The following CNGA3 variants were observed in gnomAD, a reference collection of about 807,000 sequenced individuals.
CNGA3 encodes the protein cyclic nucleotide gated channel subunit alpha 3.
In CNGA3, 42 loss-of-function variants were observed where a neutral mutation model predicts 46.6. The ratio of observed to expected loss-of-function variants is 0.90; its 90% CI spans 0.70 to 1.17. The LOEUF is 1.17. CNGA3 is among the 50% of genes most tolerant of loss of function. The pLI, the probability that CNGA3 is intolerant of heterozygous loss-of-function variation, is 0.00. For missense variants in CNGA3, 893 were observed against 890.7 expected (o/e 1.00, Z -0.03); for synonymous variants, 394 against 369.4 (o/e 1.07, Z -0.76).
intron 1 of CNGA3, among the ~76,000 whole-genome samples, chr2:98,348,859 G>C (rs1330300292): frequency 6.6e-6 from 1 of 152,196 alleles, no homozygotes; most frequent in Non-Finnish European, 1.5e-5. Context: ...CAGGTGGCCT[G>C]CATTCCGGGT....
At chr2:98,377,849 A>C (rs1345680748) in intron 3 of CNGA3, 49 bp downstream of exon 3, 1 of 1,530,296 alleles carries the variant, frequency 6.5e-7, no homozygotes, top group Non-Finnish European at 8.9e-7. Context: ...ACACTGTTGC[A>C]GAAAGAAGGT....
Position 98,378,369 on chromosome 2 carries a change from T to C in CNGA3, c.215+569T>C. 5.7e-6 allele frequency: 5 copies of C among 879,258 alleles called. No homozygotes were observed. In the South Asian group the frequency reaches 1.0e-4, roughly 18 times the overall value. 54.5% of individuals were successfully genotyped at this position (879,258 alleles called of 1,614,324 possible). On this transcript the variant is annotated intron_variant, in intron 3 of 7. Transcript: ENST00000272602. ...TTTTCAAATCTCATCTAGAAATGCATCTAACAGTGCCTACCCCACAGGTGG... is the reference window on the plus strand; with the variant it reads ...TTTTCAAATCTCATCTAGAAATGCACCTAACAGTGCCTACCCCACAGGTGG...
chr2:98,383,956 G>T (rs1486372853), intron 5 of CNGA3, among the ~76,000 whole-genome samples: 3 of 152,138 alleles, frequency 2.0e-5, no homozygotes, highest in African/African-American at 7.2e-5. Flanking sequence ...GCGCCATCTT[G>T]ACTCGTTGCA....
intron 4 of CNGA3, among the ~76,000 whole-genome samples, chr2:98,381,249 C>T (rs1481525443): frequency 6.6e-6 from 1 of 152,138 alleles, no homozygotes; most frequent in African/African-American, 2.4e-5. Flanking sequence ...GACCTCCCCT[C>T]GGCCTCCCAA....
At chr2:98,374,672 G>A (rs1008531360) in intron 2 of CNGA3, among the ~76,000 whole-genome samples, 2 of 152,118 alleles carry the variant, frequency 1.3e-5, no homozygotes, top group African/African-American at 4.8e-5. Flanking sequence ...CATCTGCCTG[G>A]TAAAATCAGT....
At chr2:98,378,180 C>T in intron 3 of CNGA3, 1 of 1,550,560 alleles carries the variant, frequency 6.4e-7, no homozygotes, top group Non-Finnish European at 8.7e-7. Flanking sequence ...TCTGAAATGG[C>T]TCTGGCAGGG....
At chr2:98,346,668 G>C (rs1373175477) in intron 1 of CNGA3, 134 bp downstream of exon 1, 4 of 390,092 alleles carry the variant, frequency 1.0e-5, no homozygotes, top group East Asian at 7.3e-5. Flanking sequence ...TTCCAGGGGC[G>C]GGCGCGGCGC....
At chr2:98,379,979 G>A (rs1041279742) in intron 3 of CNGA3, 196 bp from the exon 4 acceptor site, 12 of 638,456 alleles carry the variant, frequency 1.9e-5, no homozygotes, top group Non-Finnish European at 2.8e-5. Flanking sequence ...GGGGATAAAC[G>A]GTCCCCATGG....
At chr2:98,379,197 C>T (rs763459592) in intron 3 of CNGA3, among the ~76,000 whole-genome samples, 2 of 152,256 alleles carry the variant, frequency 1.3e-5, no homozygotes, top group Non-Finnish European at 2.9e-5. Flanking sequence ...CTGTAAGCAT[C>T]TGCCTACAGA....
intron 5 of CNGA3, among the ~76,000 whole-genome samples, chr2:98,385,264 G>A (rs1692626463): frequency 1.3e-5 from 2 of 152,352 alleles, no homozygotes; most frequent in Middle Eastern, 3.4e-3. Flanking sequence ...CCGTCTGCTG[G>A]TGACTTGACG....
chr2:98,378,406 C>T (rs1692461968), intron 3 of CNGA3, among the ~76,000 whole-genome samples: 1 of 152,206 alleles, frequency 6.6e-6, no homozygotes, highest in Non-Finnish European at 1.5e-5. Context: ...TTGAAAGCTG[C>T]TTCAGAGCCA....
At chr2:98,373,323 G>A (rs1324827153) in intron 2 of CNGA3, among the ~76,000 whole-genome samples, 1 of 152,240 alleles carries the variant, frequency 6.6e-6, no homozygotes, top group East Asian at 1.9e-4. Context: ...ACACCTCTTT[G>A]TCTTGAAATT....
intron 7 of CNGA3, among the ~76,000 whole-genome samples, chr2:98,393,958 G>A (rs895564647): frequency 1.3e-5 from 2 of 151,060 alleles, no homozygotes; most frequent in African/African-American, 4.9e-5. Flanking sequence ...TCTTTGTTGT[G>A]ACAGCACACT....
intron 2 of CNGA3, among the ~76,000 whole-genome samples, chr2:98,373,055 G>T (rs935063823): frequency 1.3e-5 from 2 of 152,146 alleles, no homozygotes; most frequent in Non-Finnish European, 2.9e-5. Flanking sequence ...GGCTTTAACA[G>T]CCAGAAATTT....
rs374845812 is a variant in CNGA3 at position 98,370,023 on chromosome 2, C to G, written c.48C>G (p.Leu16=). ...ACTCCCACCCCTCCAGGACCCACCTCAAGGTAAAGACCTCAGACCGAGATC... is the reference window on the plus strand; with the variant it reads ...ACTCCCACCCCTCCAGGACCCACCTGAAGGTAAAGACCTCAGACCGAGATC... ...TQYSHPSRTH[L]KVKTSDRDLN... The change falls in exon 2 of 8, where the codon CTC becomes CTG. Residue 16 remains leucine, a synonymous_variant. Transcript: ENST00000272602. The G allele has an allele frequency of 6.2e-7, 1 of 1,614,084 alleles. No individual in the cohort carries two copies. Among genetic ancestry groups the G allele is most frequent in the Non-Finnish European group, 8.5e-7 (1 of 1,180,008 alleles).
intron 2 of CNGA3, chr2:98,377,365 T>G: frequency 3.4e-6 from 1 of 295,376 alleles, no homozygotes; most frequent in Non-Finnish European, 6.5e-6. Flanking sequence ...GCAGCTGCTT[T>G]GGCTTGAAAT....
At chr2:98,373,390 G>C (rs185061979) in intron 2 of CNGA3, among the ~76,000 whole-genome samples, 1 of 152,160 alleles carries the variant, frequency 6.6e-6, no homozygotes, top group Non-Finnish European at 1.5e-5. Context: ...GTACACGAAC[G>C]TTAATCGCTC....
intron 7 of CNGA3, 22 bp downstream of exon 7, chr2:98,391,992 G>A (rs946860150): frequency 6.2e-6 from 10 of 1,605,704 alleles, no homozygotes; most frequent in African/African-American, 4.0e-5. Flanking sequence ...CCAGGCCTGG[G>A]GAGGGGACCA....
chr2:98,382,514 C>T (rs766399324), intron 4 of CNGA3, among the ~76,000 whole-genome samples: 12 of 152,208 alleles, frequency 7.9e-5, no homozygotes, highest in Non-Finnish European at 1.5e-4. Flanking sequence ...TTTGGCTGGA[C>T]ATCAAGCATC....
Sources: allele counts gnomAD v4.1 joint callset (sites outside exome capture counted in the v4.1 genomes callset), GRCh38; gene constraint gnomAD v4.1.1; transcripts MANE v1.5; gene names NCBI Gene and HGNC (gene_info 2026-07-23, HGNC 2026-07-21).